Variants in BTNL9 observed in about 807,000 individuals in gnomAD.
BTNL9 encodes the protein butyrophilin like 9.
BTNL9 carries 45 observed loss-of-function variants against 45.8 expected under a neutral mutation model. The observed-to-expected ratio is 0.98, with a 90% CI of 0.77 to 1.26. The LOEUF (loss-of-function observed/expected upper bound fraction) is 1.26. Among genes scored for constraint, BTNL9 ranks in the 50% most tolerant of loss-of-function variants. BTNL9 has a pLI of 0.00. For synonymous variants in BTNL9, 346 were observed against 330.8 expected (o/e 1.05, Z -0.50); for missense variants, 784 against 729.7 (o/e 1.07, Z -0.86).
chr5:181,056,596 CACA>C lies in BTNL9; in HGVS notation c.955+588_955+590del, dbSNP rs538315981. 229 of 717,510 alleles carry C rather than the reference CACA, an allele frequency of 3.2e-4. 1 individual carries two copies. Among genetic ancestry groups the C allele is most frequent in the African/African-American group, 3.2e-3 (182 of 57,380 alleles). The allele number at this position is 717,510 out of a possible 1,614,324, so 44.4% of individuals were successfully genotyped here. ...AAGGTATCCAGGCTGCCTCTAACTC[CACA>C]ACAACACTGAATGCATAGTCTCAAA... is the stretch of plus-strand genomic sequence containing the variant. On this transcript the variant is annotated intron_variant, in intron 9 of 10. Coordinates refer to ENST00000327705, the MANE Select transcript of BTNL9 (RefSeq NM_152547.5).
At chr5:181,045,648 G>A (rs553488243) in intron 2 of BTNL9, 50 bp downstream of exon 2, 3 of 1,428,614 alleles carry the variant, frequency 2.1e-6, no homozygotes, top group East Asian at 2.3e-5. Context: ...CACCCCTCCT[G>A]CCAGGTGCTC....
At position 181,053,435 on chromosome 5, in the gene BTNL9, G is replaced by T. The variant is rs1340305728; in HGVS notation, c.854-34G>T. On this transcript the variant is annotated intron_variant, in intron 5 of 10. Transcript: ENST00000327705. This position sits in a 1 kb window ranked among gnomAD's most constrained non-coding sequence, Gnocchi z 6.5. ...GGCGGCCTGGAAGGGGCGGGGGCGC[G>T]CACTCAGCCCTCTCCGCTCCCGTTT... is the stretch of plus-strand genomic sequence containing the variant. 1.3e-6 allele frequency: 2 copies of T among 1,552,968 alleles called. No individual in the cohort carries two copies. Among genetic ancestry groups the T allele is most frequent in the East Asian group, 4.8e-5 (2 of 41,378 alleles).
chr5:181,058,765 C>A, intron 10 of BTNL9, among the ~76,000 whole-genome samples: 1 of 149,710 alleles, frequency 6.7e-6, no homozygotes, highest in Non-Finnish European at 1.5e-5. Context: ...TAGATGATCT[C>A]AAAGGTCCTT....
rs1191811712 is a variant in BTNL9 at position 181,060,825 on chromosome 5, G to C, written c.*963G>C. Reference sequence around the variant, plus strand: ...AGGACATTATTAGTTTGACAACTGGGGAAAGAAGTGTTCTTCACCCCCTAC... The same window carrying C: ...AGGACATTATTAGTTTGACAACTGGCGAAAGAAGTGTTCTTCACCCCCTAC... On this transcript the variant is annotated 3_prime_UTR_variant, in exon 11 of 11. Transcript: ENST00000327705. The C allele has an allele frequency of 6.6e-6, 1 of 152,198 alleles. No homozygotes were observed. The highest frequency in any genetic ancestry group is 1.5e-5 in the Non-Finnish European group (1 of 68,052). The allele number at this position is 152,198 out of a possible 1,614,324, so 9.4% of individuals were successfully genotyped here.
chr5:181,054,004 A>T, intron 6 of BTNL9: 2 of 1,538,362 alleles, frequency 1.3e-6, no homozygotes, highest in Admixed American at 3.9e-5. Flanking sequence ...TCACACTAGC[A>T]GGAGGGAGGG....
rs771745463 is a variant in BTNL9, at chr5:181,059,237, T to G, written c.983T>G (p.Val328Gly). 45 of 1,551,202 alleles carry G rather than the reference T, an allele frequency of 2.9e-5. No homozygotes were observed. The highest frequency in any genetic ancestry group is 7.4e-5 in the Admixed American group (4 of 53,814). ...AEWRAAQKYA[V>G]DVTLDPASAH... ...GCACTAACGCTGTGGCTCTGCGCAG[T>G]GGATGTGACGCTGGACCCGGCCTCG... Residue 328 changes from valine to glycine, a missense_variant and splice_region_variant, in exon 11 of 11, where the codon GTG (valine) becomes GGG (glycine). Val to Gly is a moderately radical substitution (Grantham distance 109, BLOSUM62 -3). Transcript: ENST00000327705.
chr5:181,054,636 T>G, intron 7 of BTNL9: 1 of 985,352 alleles, frequency 1.0e-6, no homozygotes, highest in Non-Finnish European at 1.2e-6. Flanking sequence ...GATCCACTTT[T>G]CTCCCCAGAG....
At chr5:181,059,171 C>T in intron 10 of BTNL9, 66 bp from the exon 11 acceptor site, 1 of 1,420,926 alleles carries the variant, frequency 7.0e-7, no homozygotes, top group South Asian at 1.5e-5. Flanking sequence ...GTTTGTCCGC[C>T]TTGGGGAAGA....
At chr5:181,047,760 T>C (rs1452980076) in intron 2 of BTNL9, among the ~76,000 whole-genome samples, 167 bp from the exon 3 acceptor site, 3 of 152,246 alleles carry the variant, frequency 2.0e-5, no homozygotes, top group African/African-American at 7.2e-5. Flanking sequence ...CTCAACGTTT[T>C]TTCGTAAAAA....
At chr5:181,058,814 TAAA>T (rs200022713) in intron 10 of BTNL9, among the ~76,000 whole-genome samples, 13 of 134,958 alleles carry the variant, frequency 9.6e-5, no homozygotes, top group Admixed American at 7.4e-5. Flanking sequence ...GGACTGTATG[TAAA>T]AAAAAAAAAA....
At position 181,059,680 on chromosome 5, in the gene BTNL9, G is replaced by A; in HGVS notation, c.1426G>A (p.Asp476Asn). The part of the protein sequence containing the change: ...SDGSHIFTFH[D>N]TFSGALCAYF... ...CGGCTCCCACATCTTCACCTTCCAC[G>A]ACACCTTCTCGGGCGCGCTCTGTGC... Residue 476 changes from aspartate to asparagine, a missense_variant, in exon 11 of 11, where the codon GAC becomes AAC. Asp to Asn is a conservative substitution (Grantham distance 23). Coordinates refer to ENST00000327705, the MANE Select transcript of BTNL9 (RefSeq NM_152547.5). 3 of 1,613,682 alleles carry A rather than the reference G, an allele frequency of 1.9e-6. No homozygotes were observed. The highest frequency in any genetic ancestry group is 1.7e-6 in the Non-Finnish European group (2 of 1,179,958).
At chr5:181,054,197 T>A (rs1433644342) in intron 6 of BTNL9, 42 bp from the exon 7 acceptor site, 1 of 1,611,530 alleles carries the variant, frequency 6.2e-7, no homozygotes, top group African/African-American at 1.3e-5. Context: ...AACCTGAGAG[T>A]CTTTCCCCTT....
At chr5:181,043,912 C>G (rs564876889) in intron 1 of BTNL9, among the ~76,000 whole-genome samples, 1 of 152,346 alleles carries the variant, frequency 6.6e-6, no homozygotes, top group African/African-American at 2.4e-5. Context: ...GAGGCCTCTG[C>G]CCATGCTGGT....
At chr5:181,059,050 A>T in intron 10 of BTNL9, 187 bp from the exon 11 acceptor site, 1 of 549,122 alleles carries the variant, frequency 1.8e-6, no homozygotes, top group Non-Finnish European at 2.3e-6. Flanking sequence ...ACTATCAAAC[A>T]CTCAGGAGTG....
At chr5:181,045,703 T>A in intron 2 of BTNL9, 105 bp downstream of exon 2, 3 of 894,640 alleles carry the variant, frequency 3.4e-6, no homozygotes, top group African/African-American at 3.3e-5. Context: ...TGCCAGACGC[T>A]AAAATACAAA....
intron 4 of BTNL9, among the ~76,000 whole-genome samples, chr5:181,052,556 T>A (rs186696605): frequency 5.1e-4 from 78 of 152,328 alleles, no homozygotes; most frequent in Non-Finnish European, 9.3e-4. Context: ...AATAACTAGA[T>A]GACACAGACA....
chr5:181,059,492 T>C lies in BTNL9; in HGVS notation c.1238T>C (p.Leu413Pro). The change falls in exon 11 of 11, where the codon CTG (leucine) becomes CCG (proline). Residue 413 changes from leucine to proline, a missense_variant. Transcript: ENST00000327705. Reference sequence around the variant, plus strand: ...GTGCCGCGCGCGGGGCCTGCGCGCCTGAGCCCTGCGGCCGGCTACTGGGTG... The same window carrying C: ...GTGCCGCGCGCGGGGCCTGCGCGCCCGAGCCCTGCGGCCGGCTACTGGGTG... ...AAVPRAGPAR[L>P]SPAAGYWVLG... The C allele has an allele frequency of 6.4e-7, 1 of 1,553,184 alleles. No individual in the cohort carries two copies. Among genetic ancestry groups the C allele is most frequent in the South Asian group, 1.2e-5 (1 of 84,724 alleles).
rs1761720690 is a variant in BTNL9 at position 181,053,849 on chromosome 5, G to A, written c.886+348G>A. On this transcript the variant is annotated intron_variant, in intron 6 of 10. Coordinates refer to ENST00000327705, the MANE Select transcript of BTNL9 (RefSeq NM_152547.5). This position sits in a 1 kb window ranked among gnomAD's most constrained non-coding sequence, Gnocchi z 6.5. ...TCGTCCAGGTTTTCATAGCGCACAG[G>A]GAGTCGGGCGGATGCGCAACATCTC... 2 of 1,507,716 alleles carry A rather than the reference G, an allele frequency of 1.3e-6. No homozygotes were observed. The highest frequency in any genetic ancestry group is 1.8e-6 in the Non-Finnish European group (2 of 1,129,054). The allele number at this position is 1,507,716 out of a possible 1,614,324, so 93.4% of individuals were successfully genotyped here.
Position 181,059,795 on chromosome 5 carries a change from A to G in BTNL9, c.1541A>G (p.Glu514Gly). The change falls in exon 11 of 11, where the codon GAA becomes GGA. Residue 514 changes from glutamate to glycine, a missense_variant. Physicochemically the swap from Glu to Gly is moderately conservative, Grantham distance 98. Coordinates refer to ENST00000327705, the MANE Select transcript of BTNL9 (RefSeq NM_152547.5). ...CCGGTTAGAGGGACGGGCGTCCCCG[A>G]AGAGAACGACAGTGACACCTGGCTA... ...PLPVRGTGVPEENDSDTWLQP... is the reference protein window; with the variant it reads ...PLPVRGTGVPGENDSDTWLQP... 6.2e-7 allele frequency: 1 copy of G among 1,604,432 alleles called. No homozygotes were observed. Among genetic ancestry groups the G allele is most frequent in the African/African-American group, 1.3e-5 (1 of 74,982 alleles).
Sources: allele counts gnomAD v4.1 joint callset (sites outside exome capture counted in the v4.1 genomes callset), GRCh38; gene constraint gnomAD v4.1.1; non-coding constraint Gnocchi (gnomAD v3.1); transcripts MANE v1.5; gene names NCBI Gene and HGNC (gene_info 2026-07-23, HGNC 2026-07-21).